The following WARS2 variants were observed in gnomAD, a reference collection of about 807,000 sequenced individuals.
WARS2 encodes the protein tryptophanyl tRNA synthetase 2, mitochondrial.
In WARS2, 28 loss-of-function variants were observed where a neutral mutation model predicts 36.5. The ratio of observed to expected loss-of-function variants is 0.77; its 90% CI spans 0.57 to 1.05. The LOEUF (loss-of-function observed/expected upper bound fraction) is 1.05, where lower values mean the gene tolerates loss of function less well. Ranked by LOEUF, WARS2 falls within the 50% of genes least tolerant of loss-of-function variation. The probability of loss-of-function intolerance (pLI) is 0.00; values close to 1 mark genes in which losing one functional copy is unlikely to be tolerated. For synonymous variants in WARS2, 174 were observed against 178.4 expected, an observed-to-expected ratio of 0.98 and a Z score of 0.20; for missense variants, 435 against 456.8, an observed-to-expected ratio of 0.95 and a Z score of 0.44.
chr1:119,076,589 C>T lies in WARS2; in HGVS notation c.109G>A (p.Val37Ile), dbSNP rs748018970. The T allele has an allele frequency of 3.1e-6, 5 of 1,614,158 alleles. No homozygotes were observed. Among genetic ancestry groups the T allele is most frequent in the Non-Finnish European group, 3.4e-6 (4 of 1,180,006 alleles). Residue 37 changes from valine (V) to isoleucine (I), a missense_variant, in exon 2 of 6, where the codon GTA becomes ATA. Physicochemically the swap from Val to Ile is conservative, Grantham distance 29. Coordinates refer to ENST00000235521, the MANE Select transcript of WARS2 (RefSeq NM_015836.4). ...CCTGTAGGTTGAATGCCGGAAAATA[C>T]TCGCTTCTTGCTGTCTTTCTGGAAC... ...PALQKDSKKR[V>I]FSGIQPTGIL... is the part of the protein sequence containing the mutation.
chr1:119,086,046 G>C (rs1652635293), intron 1 of WARS2: 2 of 1,362,966 alleles, frequency 1.5e-6, no homozygotes, highest in East Asian at 4.9e-5. Flanking sequence ...TTCTCGTAGA[G>C]GCAAGGTCTT....
chr1:119,066,135 A>G (rs1345076339), intron 2 of WARS2, among the ~76,000 whole-genome samples: 1 of 152,160 alleles, frequency 6.6e-6, no homozygotes, highest in Admixed American at 6.5e-5. Context: ...TTAAAAAAAA[A>G]CAAAAAACAA....
At chr1:119,135,761 G>GGGAGAT (rs1656460723) in intron 1 of WARS2, among the ~76,000 whole-genome samples, 1 of 87,080 alleles carries the variant, frequency 1.1e-5, no homozygotes, top group Non-Finnish European at 2.5e-5. Context: ...TAGAGAGATA[G>GGGAGAT]AGAGAGAGAG....
chr1:119,103,808 G>A (rs2101468978), intron 1 of WARS2, among the ~76,000 whole-genome samples: 1 of 151,670 alleles, frequency 6.6e-6, no homozygotes, highest in Non-Finnish European at 1.5e-5. Flanking sequence ...ATTTACATAT[G>A]TTAGGGCACA....
At chr1:119,134,335 A>C (rs1318350879) in intron 1 of WARS2, among the ~76,000 whole-genome samples, 2 of 151,106 alleles carry the variant, frequency 1.3e-5, no homozygotes, top group Non-Finnish European at 3.0e-5. Flanking sequence ...AAAAAAAAAA[A>C]AAAAAACAAA....
At chr1:119,094,777 T>A (rs1310460194) in intron 1 of WARS2, among the ~76,000 whole-genome samples, 1 of 152,320 alleles carries the variant, frequency 6.6e-6, no homozygotes, top group Admixed American at 6.5e-5. Flanking sequence ...TATTTAGATC[T>A]CTAGACTTGT....
chr1:119,136,199 C>T (rs969196264), intron 1 of WARS2, among the ~76,000 whole-genome samples: 2 of 151,948 alleles, frequency 1.3e-5, no homozygotes, highest in Non-Finnish European at 2.9e-5. Context: ...TGCAGTCATT[C>T]GAAAGATATA....
intron 1 of WARS2, among the ~76,000 whole-genome samples, chr1:119,105,057 G>T (rs1654137948): frequency 1.3e-5 from 2 of 152,186 alleles, no homozygotes; most frequent in South Asian, 2.1e-4. Context: ...ATCATTGCAG[G>T]AGCAGAGGTA....
At chr1:119,111,416 G>A (rs1654627377) in intron 1 of WARS2, among the ~76,000 whole-genome samples, 1 of 152,142 alleles carries the variant, frequency 6.6e-6, no homozygotes. Context: ...AGACAGGATG[G>A]CTGGAAGAGG....
intron 2 of WARS2, among the ~76,000 whole-genome samples, chr1:119,061,413 A>C (rs1470845676): frequency 3.3e-5 from 5 of 152,210 alleles, no homozygotes; most frequent in African/African-American, 4.8e-5. Context: ...AAAACATACA[A>C]TATCTGAAAT....
At chr1:119,135,715 C>CAGATAGATAGATAGAT (rs113027169) in intron 1 of WARS2, among the ~76,000 whole-genome samples, 16 of 147,078 alleles carry the variant, frequency 1.1e-4, no homozygotes, top group Non-Finnish European at 1.4e-4. Flanking sequence ...ATTAGATAGA[C>CAGATAGATAGATAGAT]AGATAGATAG....
chr1:119,061,641 C>T (rs1650390357), intron 2 of WARS2, among the ~76,000 whole-genome samples: 2 of 152,048 alleles, frequency 1.3e-5, no homozygotes, highest in South Asian at 2.1e-4. Flanking sequence ...ATTTTTACAG[C>T]ATTAAAGTGT....
intron 1 of WARS2, among the ~76,000 whole-genome samples, chr1:119,105,982 T>C (rs1386190162): frequency 2.0e-5 from 3 of 152,112 alleles, no homozygotes; most frequent in Non-Finnish European, 4.4e-5. Context: ...TCAAAGAATA[T>C]GAGTACTAAA....
At chr1:119,082,803 A>G (rs1025041666) in intron 1 of WARS2, among the ~76,000 whole-genome samples, 1 of 152,182 alleles carries the variant, frequency 6.6e-6, no homozygotes, top group African/African-American at 2.4e-5. Context: ...CCCAGGTGCC[A>G]TGTTTTGAAG....
intron 2 of WARS2, chr1:119,064,048 C>G (rs1650625003): frequency 6.6e-6 from 1 of 152,220 alleles, no homozygotes; most frequent in South Asian, 2.1e-4. Flanking sequence ...CCTGTGAAAG[C>G]AGCCAGGAGG....
intron 1 of WARS2, among the ~76,000 whole-genome samples, chr1:119,138,682 C>T (rs1373514827): frequency 6.6e-6 from 1 of 151,982 alleles, no homozygotes; most frequent in Admixed American, 6.5e-5. Flanking sequence ...CTCAGTCTTT[C>T]AAAAAACCAC....
chr1:119,084,458 AAATAAAT>A (rs1446555166), intron 1 of WARS2, among the ~76,000 whole-genome samples: 1 of 152,220 alleles, frequency 6.6e-6, no homozygotes, highest in Non-Finnish European at 1.5e-5. Context: ...ACCTCAATAC[AAATAAAT>A]AATAAATACG....
chr1:119,072,147 A>G (rs1651371572), intron 2 of WARS2, among the ~76,000 whole-genome samples: 1 of 152,170 alleles, frequency 6.6e-6, no homozygotes, highest in African/African-American at 2.4e-5. Flanking sequence ...AAATGGTTCT[A>G]AGAAGCAAAA....
chr1:119,034,293 C>T, intron 4 of WARS2, 80 bp from the exon 5 acceptor site: 5 of 1,138,278 alleles, frequency 4.4e-6, no homozygotes, highest in Non-Finnish European at 5.3e-6. Flanking sequence ...AGCTGCATTT[C>T]CTGTGAATAT....
Sources: gnomAD v4.1 joint callset for allele counts (sites outside exome capture counted in the v4.1 genomes callset) on GRCh38, gnomAD v4.1.1 for gene constraint, MANE v1.5 for transcripts, NCBI Gene and HGNC (gene_info 2026-07-23, HGNC 2026-07-21) for gene names.